MROH1: variants seen among roughly 807,000 people sequenced by gnomAD.
The protein encoded by MROH1 is maestro heat like repeat family member 1.
A neutral mutation model predicts 116.5 loss-of-function variants in MROH1; 117 were observed. The observed-to-expected ratio is 1.00, with a 90% CI of 0.86 to 1.17. MROH1 has a LOEUF of 1.17. Among genes scored for constraint, MROH1 ranks in the 50% most tolerant of loss-of-function variants. The pLI, the probability that MROH1 is intolerant of heterozygous loss-of-function variation, is 0.00. For synonymous variants in MROH1, 921 were observed against 583.9 expected, an observed-to-expected ratio of 1.58 and a Z score of -8.32; for missense variants, 1,873 against 1,338.5, an observed-to-expected ratio of 1.40 and a Z score of -6.23.
chr8:144,195,260 G>A (rs889384671), intron 10 of MROH1, among the ~76,000 whole-genome samples: 19 of 141,528 alleles, frequency 1.3e-4, no homozygotes, highest in African/African-American at 4.9e-4. Context: ...CCAGCACTTT[G>A]GGAGGCCAAG....
At chr8:144,258,283 G>A (rs1844294378) in intron 35 of MROH1, among the ~76,000 whole-genome samples, 1 of 152,312 alleles carries the variant, frequency 6.6e-6, no homozygotes, top group Admixed American at 6.5e-5. Flanking sequence ...CCAGCTCTCG[G>A]CACCATCCTC....
intron 10 of MROH1, among the ~76,000 whole-genome samples, chr8:144,197,848 C>G (rs11784336): frequency 6.7e-6 from 1 of 149,118 alleles, no homozygotes; most frequent in African/African-American, 2.4e-5. Context: ...CCGAGGCGGG[C>G]GGATCACCTG....
intron 11 of MROH1, 28 bp downstream of exon 11, chr8:144,199,228 G>T: frequency 1.2e-6 from 2 of 1,603,156 alleles, no homozygotes; most frequent in Non-Finnish European, 1.7e-6. Context: ...CTTTGCCCAT[G>T]GGCATCTGTG....
intron 7 of MROH1, among the ~76,000 whole-genome samples, chr8:144,183,223 T>C (rs2131394388): frequency 6.6e-6 from 1 of 151,670 alleles, no homozygotes; most frequent in East Asian, 2.0e-4. Flanking sequence ...AGAAAAAATA[T>C]TTTTAAAAAT....
intron 12 of MROH1, 50 bp from the exon 13 acceptor site, chr8:144,220,550 G>C (rs1378188108): frequency 6.6e-7 from 1 of 1,511,554 alleles, no homozygotes; most frequent in Non-Finnish European, 9.0e-7. Context: ...AATGGACCTT[G>C]AGGTCCTCAT....
Position 144,244,238 on chromosome 8 carries a change from C to G in MROH1, c.2572C>G (p.Leu858Val). The G allele has an allele frequency of 2.8e-6, 2 of 718,090 alleles. No homozygotes were observed. Among genetic ancestry groups the G allele is most frequent in the Non-Finnish European group, 5.2e-6 (2 of 384,970 alleles). 44.5% of individuals were successfully genotyped at this position (718,090 alleles called of 1,614,324 possible). The part of the protein sequence containing the change: ...CTYLVSVEPA[L>V]DEQARADVIH... Reference sequence around the variant, plus strand: ...GCCTCTCAGCTCCGTGGAGCCAGCGCTGGACGAGCAGGCCCGGGCGGATGT... The same window carrying G: ...GCCTCTCAGCTCCGTGGAGCCAGCGGTGGACGAGCAGGCCCGGGCGGATGT... Residue 858 changes from leucine to valine, a missense_variant, in exon 27 of 44, where the codon CTG becomes GTG. Physicochemically the swap from Leu to Val is conservative, Grantham distance 32. Coordinates refer to ENST00000326134, the MANE Select transcript of MROH1 (RefSeq NM_032450.3).
At position 144,190,023 on chromosome 8, in the gene MROH1, C is replaced by T. The variant is rs531295610; in HGVS notation, c.563-761C>T. On this transcript the variant is annotated intron_variant, in intron 7 of 43. Transcript: ENST00000326134. ...CTCAAGATGTTGGCAGGATTGGTTC[C>T]TTCTTGGGAGCCCAGAGACAGAATT... 2.0e-5 allele frequency among the ~76,000 whole-genome samples: 3 copies of T among 152,306 alleles called. No individual in the cohort carries two copies. The East Asian group carries it at 5.8e-4, about 29-fold the overall frequency.
chr8:144,230,765 A>ACAT (rs537303627), intron 14 of MROH1, among the ~76,000 whole-genome samples: 145 of 148,014 alleles, frequency 9.8e-4, no homozygotes, highest in Non-Finnish European at 6.9e-4. Flanking sequence ...ACCAGTGAAG[A>ACAT]CATCAGGTCC....
At chr8:144,226,825 A>G (rs1282531301) in intron 14 of MROH1, among the ~76,000 whole-genome samples, 2 of 152,114 alleles carry the variant, frequency 1.3e-5, no homozygotes, top group African/African-American at 4.8e-5. Context: ...TGTTTTGGCT[A>G]TTTTAGTTCC....
chr8:144,259,340 G>C lies in MROH1; in HGVS notation c.4030G>C (p.Ala1344Pro). 1 of 715,106 alleles carries C rather than the reference G, an allele frequency of 1.4e-6. No homozygotes were observed. Among genetic ancestry groups the C allele is most frequent in the Non-Finnish European group, 2.6e-6 (1 of 384,882 alleles). 44.3% of individuals were successfully genotyped at this position (715,106 alleles called of 1,614,324 possible). Residue 1344 changes from alanine (A) to proline (P), a missense_variant, in exon 37 of 44, where the codon GCC (alanine) becomes CCC (proline). Physicochemically the swap from Ala to Pro is conservative, Grantham distance 27. Transcript: ENST00000326134. The part of the protein sequence containing the change: ...AYENQRVTTT[A>P]FLAELLNSNV... ...TGAGAACCAGAGGGTGACCACCACC[G>C]CCTTCCTGGCCGAGGTAGGCCCTTC...
At chr8:144,240,519 G>C in intron 19 of MROH1, 51 bp from the exon 20 acceptor site, 4 of 712,568 alleles carry the variant, frequency 5.6e-6, no homozygotes, top group Non-Finnish European at 1.0e-5. Flanking sequence ...GCTCCAGCCA[G>C]CCCTGTGAGG....
chr8:144,179,676 G>GT, intron 5 of MROH1, 90 bp downstream of exon 5: 2 of 1,494,106 alleles, frequency 1.3e-6, no homozygotes, highest in South Asian at 1.3e-5. Flanking sequence ...AGCCTTGAGA[G>GT]TATAGGGTGG....
In MROH1 at chr8:144,239,176, C is replaced by G. The variant is rs914996300; in HGVS notation, c.1588C>G (p.His530Asp). Reference sequence around the variant, plus strand: ...CGCCTTCCTCATCCAGTACGACGCCCATGGTGCGTGCCGCGCCGTACCCCA... The same window carrying G: ...CGCCTTCCTCATCCAGTACGACGCCGATGGTGCGTGCCGCGCCGTACCCCA... ...ADAFLIQYDA[H>D]ASLPSPYAVT... The change falls in exon 16 of 44, where the codon CAT (histidine) becomes GAT (aspartate). Residue 530 changes from histidine (H) to aspartate (D), a missense_variant. Physicochemically the swap from His to Asp is moderately conservative, Grantham distance 81. Transcript: ENST00000326134. 22 of 762,836 alleles carry G rather than the reference C, an allele frequency of 2.9e-5. No individual in the cohort carries two copies. The highest frequency in any genetic ancestry group is 4.8e-5 in the Non-Finnish European group (20 of 415,306). 47.3% of individuals were successfully genotyped at this position (762,836 alleles called of 1,614,324 possible).
At position 144,259,351 on chromosome 8, in the gene MROH1, C is replaced by T. The variant is rs990390922; in HGVS notation, c.4041C>T (p.Ala1347=). The T allele has an allele frequency of 1.4e-4, 102 of 715,078 alleles. 1 individual carries two copies. In the African/African-American group the frequency reaches 1.4e-3, roughly 10 times the overall value. The allele number at this position is 715,078 out of a possible 1,614,324, so 44.3% of individuals were successfully genotyped here. ...GGGTGACCACCACCGCCTTCCTGGC[C>T]GAGGTAGGCCCTTCCAGGGACGGAT... ...NQRVTTTAFL[A]ELLNSNVAND... The change falls in exon 37 of 44, where the codon GCC becomes GCT. Residue 1347 remains alanine (A), a synonymous_variant. Coordinates refer to ENST00000326134, the MANE Select transcript of MROH1 (RefSeq NM_032450.3).
intron 7 of MROH1, 108 bp from the exon 8 acceptor site, chr8:144,190,676 C>G: frequency 7.4e-7 from 1 of 1,344,334 alleles, no homozygotes; most frequent in Non-Finnish European, 1.0e-6. Context: ...CTAGGGAGGG[C>G]ATCTTGCAGG....
intron 7 of MROH1, 107 bp from the exon 8 acceptor site, chr8:144,190,677 A>G: frequency 7.3e-7 from 1 of 1,376,106 alleles, no homozygotes; most frequent in Non-Finnish European, 1.0e-6. Context: ...TAGGGAGGGC[A>G]TCTTGCAGGC....
chr8:144,259,872 T>G, intron 37 of MROH1, 39 bp from the exon 38 acceptor site: 1 of 720,416 alleles, frequency 1.4e-6, no homozygotes. Context: ...AGCCCTGGGG[T>G]CAGCGGGGAG....
chr8:144,208,549 C>G (rs1833373516), intron 12 of MROH1, among the ~76,000 whole-genome samples: 1 of 151,936 alleles, frequency 6.6e-6, no homozygotes, highest in East Asian at 1.9e-4. Flanking sequence ...AGTGTGACCC[C>G]CTCTCAACTT....
Position 144,261,682 on chromosome 8 carries a change from C to A in MROH1, c.4868C>A (p.Ala1623Asp), listed in dbSNP as rs1845112911. Residue 1623 changes from alanine (A) to aspartate (D), a missense_variant, in exon 44 of 44, where the codon GCC becomes GAC. Physicochemically the swap from Ala to Asp is moderately radical, Grantham distance 126. Coordinates refer to ENST00000326134, the MANE Select transcript of MROH1 (RefSeq NM_032450.3). ...CTCCAGATCCTGCTGAAGGACCCGG[C>A]CCCCGAGGTGCGGACGAGGGCTGCT... ...AALQILLKDP[A>D]PEVRTRAAEA... The A allele has an allele frequency of 6.3e-5, 46 of 727,144 alleles. 1 individual carries two copies. In the South Asian group the frequency reaches 6.7e-4, roughly 11 times the overall value. The allele number at this position is 727,144 out of a possible 1,614,324, so 45.0% of individuals were successfully genotyped here.
Sources: allele counts gnomAD v4.1 joint callset (sites outside exome capture counted in the v4.1 genomes callset), GRCh38; gene constraint gnomAD v4.1.1; transcripts MANE v1.5; gene names NCBI Gene and HGNC (gene_info 2026-07-23, HGNC 2026-07-21).